PALS2: variants seen among roughly 807,000 people sequenced by gnomAD.
The protein encoded by PALS2 is protein PALS2.
PALS2 carries 27 observed loss-of-function variants against 61.6 expected under a neutral mutation model. The observed-to-expected ratio is 0.44, with a 90% CI of 0.32 to 0.60. The LOEUF is 0.60. Ranked by LOEUF, PALS2 falls within the 20% of genes least tolerant of loss-of-function variation. The pLI is 0.05. For synonymous variants in PALS2, 236 were observed against 218.6 expected (o/e 1.08, Z -0.70); for missense variants, 554 against 639.4 (o/e 0.87, Z 1.44).
chr7:24,590,318 G>A (rs974577947), intron 1 of PALS2, among the ~76,000 whole-genome samples: 5 of 152,202 alleles, frequency 3.3e-5, no homozygotes, highest in African/African-American at 1.2e-4. Context: ...TGAATTGTGT[G>A]CTCTTGCTTC....
At chr7:24,656,961 A>G (rs1786452274) in intron 5 of PALS2, among the ~76,000 whole-genome samples, 2 of 152,206 alleles carry the variant, frequency 1.3e-5, no homozygotes, top group Admixed American at 6.5e-5. Context: ...TTATTTTTAT[A>G]TAAATGGAAT....
intron 1 of PALS2, among the ~76,000 whole-genome samples, chr7:24,608,065 ATATT>A (rs1177102357): frequency 1.3e-5 from 2 of 152,150 alleles, no homozygotes; most frequent in African/African-American, 4.8e-5. Flanking sequence ...ATACATACAC[ATATT>A]TATATACATA....
intron 1 of PALS2, among the ~76,000 whole-genome samples, chr7:24,587,040 T>G (rs145516332): frequency 1.3e-3 from 197 of 151,316 alleles, no homozygotes; most frequent in African/African-American, 4.6e-3. Flanking sequence ...ATTTTTTTTT[T>G]GTTTTTTGTT....
chr7:24,604,140 G>A (rs1256365407), intron 1 of PALS2, among the ~76,000 whole-genome samples: 1 of 146,926 alleles, frequency 6.8e-6, no homozygotes, highest in Admixed American at 6.9e-5. Flanking sequence ...GAGCCCGGTA[G>A]TTCAAGACTA....
chr7:24,589,267 G>T (rs1015261063), intron 1 of PALS2: 50 of 152,170 alleles, frequency 3.3e-4, no homozygotes, highest in African/African-American at 1.2e-3. Context: ...TGATAGATCA[G>T]TTGTTAACAA....
rs1786854630 is a variant in PALS2, at chr7:24,663,607, T to C, written c.669T>C (p.His223=). 6.3e-7 allele frequency: 1 copy of C among 1,592,838 alleles called. No individual in the cohort carries two copies. The highest frequency in any genetic ancestry group is 8.6e-7 in the Non-Finnish European group (1 of 1,163,276). The change falls in exon 6 of 12, where the codon CAT becomes CAC. Residue 223 remains histidine (H), a synonymous_variant. Coordinates refer to ENST00000222644, the MANE Select transcript of PALS2 (RefSeq NM_001303037.2). ...TGTTTTAGGTATTTGTGAAGTGTCA[T>C]TTTGATTATAATCCATACAATGACA... ...ITPQQVFVKC[H]FDYNPYNDNL...
intron 2 of PALS2, among the ~76,000 whole-genome samples, chr7:24,632,276 G>A (rs948075069): frequency 6.6e-6 from 1 of 152,042 alleles, no homozygotes; most frequent in African/African-American, 2.4e-5. Context: ...GTTTTCTTTA[G>A]TTAATGTTAG....
chr7:24,619,778 T>C (rs1784426867), intron 1 of PALS2, among the ~76,000 whole-genome samples: 1 of 150,538 alleles, frequency 6.6e-6, no homozygotes. Context: ...GAATCTAGGG[T>C]CTGATTAAAA....
intron 5 of PALS2, among the ~76,000 whole-genome samples, chr7:24,656,250 C>T (rs1462697280): frequency 1.3e-5 from 2 of 152,202 alleles, no homozygotes; most frequent in Non-Finnish European, 2.9e-5. Context: ...GATTTAACAT[C>T]AGGGTCAAGG....
chr7:24,624,239 C>G (rs1247395750), intron 2 of PALS2: 3 of 739,996 alleles, frequency 4.1e-6, no homozygotes, highest in Admixed American at 3.7e-5. Context: ...AGTCTGTTTC[C>G]CTAGTCAACT....
rs1458620736 is a variant in PALS2 at position 24,638,480 on chromosome 7, G to A, written c.118-3236G>A. ...CAAGTAGCTGGGACCACAGGCGCCC[G>A]CCACTACGCCCGGCTAATTTTTTGT... is the stretch of plus-strand genomic sequence containing the variant. On this transcript the variant is annotated intron_variant, in intron 2 of 11. Transcript: ENST00000222644. 3.9e-5 allele frequency among the ~76,000 whole-genome samples: 3 copies of A among 76,492 alleles called. 1 individual carries two copies. The highest frequency in any genetic ancestry group is 5.0e-4 in the South Asian group (1 of 2,012). 50.2% of individuals were successfully genotyped at this position (76,492 alleles called of 152,430 possible).
intron 10 of PALS2, among the ~76,000 whole-genome samples, chr7:24,679,766 C>T (rs1787819375): frequency 6.6e-6 from 1 of 152,126 alleles, no homozygotes; most frequent in African/African-American, 2.4e-5. Flanking sequence ...TACCCCTTCC[C>T]ACTCCGCTAC....
intron 9 of PALS2, among the ~76,000 whole-genome samples, chr7:24,670,312 C>G (rs1218533760): frequency 6.6e-6 from 1 of 151,536 alleles, no homozygotes. Context: ...AAACTAAAGA[C>G]TTGTTTATCC....
chr7:24,592,636 C>T (rs192123930), intron 1 of PALS2, among the ~76,000 whole-genome samples: 11 of 152,012 alleles, frequency 7.2e-5, no homozygotes, highest in South Asian at 6.2e-4. Flanking sequence ...AGTTCTGGAC[C>T]GCTACAATAA....
At chr7:24,670,347 T>C (rs78105543) in intron 9 of PALS2, among the ~76,000 whole-genome samples, 1 of 152,046 alleles carries the variant, frequency 6.6e-6, no homozygotes, top group East Asian at 1.9e-4. Context: ...TTTTTTTTTT[T>C]CCTGGAGACC....
intron 2 of PALS2, among the ~76,000 whole-genome samples, chr7:24,628,332 ACACT>A (rs1304868712): frequency 6.6e-6 from 1 of 152,214 alleles, no homozygotes; most frequent in Admixed American, 6.5e-5. Context: ...CATGCTAAAA[ACACT>A]CAATAAACTA....
At chr7:24,619,135 A>G (rs1328875024) in intron 1 of PALS2, among the ~76,000 whole-genome samples, 1 of 152,200 alleles carries the variant, frequency 6.6e-6, no homozygotes, top group African/African-American at 2.4e-5. Flanking sequence ...TTCGTGATCC[A>G]TAATAGTTTA....
chr7:24,679,993 G>T (rs1392165096), intron 10 of PALS2, among the ~76,000 whole-genome samples: 1 of 152,042 alleles, frequency 6.6e-6, no homozygotes, highest in African/African-American at 2.4e-5. Flanking sequence ...TTTTGTGGTA[G>T]TTACTGTAGA....
intron 2 of PALS2, among the ~76,000 whole-genome samples, chr7:24,629,000 C>T (rs1784871835): frequency 6.6e-6 from 1 of 152,122 alleles, no homozygotes. Context: ...CTTTAAATTT[C>T]ATATGGAACC....
Sources: gnomAD v4.1 joint callset for allele counts (sites outside exome capture counted in the v4.1 genomes callset) on GRCh38, gnomAD v4.1.1 for gene constraint, MANE v1.5 for transcripts, NCBI Gene and HGNC (gene_info 2026-07-23, HGNC 2026-07-21) for gene names.